The following SLC15A5 variants were observed in gnomAD, a reference collection of about 807,000 sequenced individuals.
SLC15A5 encodes Peptide/histidine transporter ENSP00000340402.
Under a neutral mutation model 56.1 loss-of-function variants are expected in SLC15A5, and 58 were observed. That is an observed-to-expected ratio of 1.03 (90% confidence interval 0.84 to 1.29). The LOEUF (loss-of-function observed/expected upper bound fraction) is 1.29. Among genes scored for constraint, SLC15A5 ranks in the 50% most tolerant of loss-of-function variants. The probability of loss-of-function intolerance (pLI) is 0.00; values close to 1 mark genes in which losing one functional copy is unlikely to be tolerated. For synonymous variants in SLC15A5, 264 were observed against 250.5 expected, an observed-to-expected ratio of 1.05 and a Z score of -0.51; for missense variants, 681 against 672.1, an observed-to-expected ratio of 1.01 and a Z score of -0.15.
At chr12:16,221,002 T>C (rs1864182533) in intron 6 of SLC15A5, among the ~76,000 whole-genome samples, 1 of 152,074 alleles carries the variant, frequency 6.6e-6, no homozygotes, top group Non-Finnish European at 1.5e-5. Context: ...TCATCTCCAA[T>C]GTATAACATG....
At chr12:16,276,912 T>C (rs1014234219) in intron 1 of SLC15A5, among the ~76,000 whole-genome samples, 1 of 152,058 alleles carries the variant, frequency 6.6e-6, no homozygotes, top group Non-Finnish European at 1.5e-5. Context: ...AAAACATTTC[T>C]CAATTATTTT....
intron 5 of SLC15A5, among the ~76,000 whole-genome samples, chr12:16,227,486 T>C (rs989394720): frequency 4.6e-5 from 7 of 152,256 alleles, no homozygotes; most frequent in Non-Finnish European, 1.0e-4. Flanking sequence ...AAGAACTTAT[T>C]GCTAGTTGGA....
chr12:16,246,817 C>T (rs932351818), intron 3 of SLC15A5, among the ~76,000 whole-genome samples: 2 of 152,030 alleles, frequency 1.3e-5, no homozygotes, highest in African/African-American at 4.8e-5. Flanking sequence ...TTGATACCTG[C>T]AATCTTATTA....
In SLC15A5 at chr12:16,237,168, G is replaced by A. The variant is rs1011219945; in HGVS notation, c.1162+2513C>T. Reference sequence around the variant, plus strand: ...TTTAATATTAGACTAATTCAGTTATGTAAATTAGTATCAAAAAGTACCCCA... The same window carrying A: ...TTTAATATTAGACTAATTCAGTTATATAAATTAGTATCAAAAAGTACCCCA... On this transcript the variant is annotated intron_variant, in intron 5 of 8. Coordinates refer to ENST00000344941, the MANE Select transcript of SLC15A5 (RefSeq NM_001170798.1). The surrounding 1 kb of genome is among the most constrained non-coding windows in gnomAD (Gnocchi z 4.1). 2.0e-5 allele frequency among the ~76,000 whole-genome samples: 3 copies of A among 152,118 alleles called. No homozygotes were observed. Among genetic ancestry groups the A allele is most frequent in the African/African-American group, 7.2e-5 (3 of 41,432 alleles).
intron 5 of SLC15A5, among the ~76,000 whole-genome samples, 153 bp downstream of exon 5, chr12:16,239,528 G>C (rs994182741): frequency 6.6e-6 from 1 of 152,266 alleles, no homozygotes; most frequent in South Asian, 2.1e-4. Context: ...TAGAGATTTC[G>C]GAAGATGGGT....
At chr12:16,244,490 G>T (rs905363574) in intron 4 of SLC15A5, 90 bp downstream of exon 4, 5 of 1,174,346 alleles carry the variant, frequency 4.3e-6, no homozygotes, top group African/African-American at 1.5e-5. Flanking sequence ...TATGGAAAGC[G>T]CTCGTTGGGG....
At position 16,216,909 on chromosome 12, in the gene SLC15A5, T is replaced by C. The variant is rs1421264304; in HGVS notation, c.1467A>G (p.Val489=). Reference sequence around the variant, plus strand: ...TATTTTTACCATCTGAGATGAGATATACCAACTTCACCAGCAGTGCCCCTG... The same window carrying C: ...TATTTTTACCATCTGAGATGAGATACACCAACTTCACCAGCAGTGCCCCTG... ...CFTGALLVKL[V]YLISDGNWFP... is the part of the protein sequence containing the mutation. Residue 489 remains valine, a synonymous_variant, in exon 7 of 9, where the codon GTA becomes GTG. Transcript: ENST00000344941. 3.9e-6 allele frequency: 6 copies of C among 1,536,468 alleles called. No homozygotes were observed. The Admixed American group carries it at 5.9e-5, about 15-fold the overall frequency.
chr12:16,268,535 T>G (rs11056850), intron 2 of SLC15A5, among the ~76,000 whole-genome samples: 9,970 of 152,324 alleles, frequency 0.065, 420 homozygotes, highest in Non-Finnish European at 0.11. Flanking sequence ...TGATTTTGTT[T>G]GCTGAAATGT....
At chr12:16,277,129 A>AACACACACAC (rs59004314) in intron 1 of SLC15A5, among the ~76,000 whole-genome samples, 196 bp downstream of exon 1, 4,745 of 150,232 alleles carry the variant, frequency 0.032, 175 homozygotes, top group East Asian at 0.15. Context: ...AACATTCTCT[A>AACACACACAC]ACACACACAC....
chr12:16,257,828 CA>C lies in SLC15A5; in HGVS notation c.626del (p.Leu209ArgfsTer27). 2.6e-6 allele frequency: 4 copies of C among 1,515,256 alleles called. No homozygotes were observed. Among genetic ancestry groups the C allele is most frequent in the Non-Finnish European group, 3.5e-6 (4 of 1,139,304 alleles). 93.9% of individuals were successfully genotyped at this position (1,515,256 alleles called of 1,614,324 possible). On this transcript the variant is annotated frameshift_variant, in exon 3 of 9. Coordinates refer to ENST00000344941, the MANE Select transcript of SLC15A5 (RefSeq NM_001170798.1). LOFTEE classifies it high-confidence loss of function. ...LMNLNATIVF[L>X]GISYIQHSQA... ...GTGAGTGCTGGATGTAAGATATTCC[CA>C]GAAACACAATAGTTGCATTTAGGTT...
intron 5 of SLC15A5, among the ~76,000 whole-genome samples, chr12:16,229,986 C>A (rs1380956007): frequency 3.3e-5 from 5 of 151,776 alleles, no homozygotes; most frequent in African/African-American, 1.2e-4. Flanking sequence ...AAGGCTTAGT[C>A]ATGTTTGTAT....
chr12:16,229,614 G>A (rs1864275019), intron 5 of SLC15A5, among the ~76,000 whole-genome samples: 1 of 148,284 alleles, frequency 6.7e-6, no homozygotes, highest in Non-Finnish European at 1.5e-5. Context: ...ACCAAGAAAA[G>A]GGCCCAGGTT....
In SLC15A5 at chr12:16,189,477, A is replaced by G. The variant is rs1863819426; in HGVS notation, c.*191T>C. On this transcript the variant is annotated 3_prime_UTR_variant, in exon 9 of 9. Coordinates refer to ENST00000344941, the MANE Select transcript of SLC15A5 (RefSeq NM_001170798.1). Reference sequence around the variant, plus strand: ...TTATTTTATTAATTCTAATGCTATAACATGTTAATGCAAAAGCATGACAGT... The same window carrying G: ...TTATTTTATTAATTCTAATGCTATAGCATGTTAATGCAAAAGCATGACAGT... 1 of 414,378 alleles carries G rather than the reference A, an allele frequency of 2.4e-6. No individual in the cohort carries two copies. The highest frequency in any genetic ancestry group is 4.4e-5 in the Admixed American group (1 of 22,958). 25.7% of individuals were successfully genotyped at this position (414,378 alleles called of 1,614,324 possible).
At chr12:16,241,393 T>C (rs930079906) in intron 4 of SLC15A5, among the ~76,000 whole-genome samples, 6 of 152,316 alleles carry the variant, frequency 3.9e-5, no homozygotes, top group Non-Finnish European at 7.4e-5. Context: ...ATCAGTATTA[T>C]GGTGTCAGTA....
chr12:16,221,157 CATTT>C (rs909798279), intron 6 of SLC15A5, among the ~76,000 whole-genome samples: 9 of 152,188 alleles, frequency 5.9e-5, no homozygotes, highest in South Asian at 2.1e-4. Context: ...AGACTTCATT[CATTT>C]GTTTCTTCAA....
intron 7 of SLC15A5, among the ~76,000 whole-genome samples, chr12:16,208,033 C>T (rs116747804): frequency 0.013 from 1,908 of 152,262 alleles, 42 homozygotes; most frequent in African/African-American, 0.043. Flanking sequence ...GCTCTTCCAA[C>T]TCCCCATTCT....
At chr12:16,203,172 C>T (rs907373043) in intron 7 of SLC15A5, among the ~76,000 whole-genome samples, 1 of 151,872 alleles carries the variant, frequency 6.6e-6, no homozygotes, top group African/African-American at 2.4e-5. Flanking sequence ...GGTGGACATG[C>T]TAATTAGACT....
chr12:16,215,230 CCAAAGT>C lies in SLC15A5; in HGVS notation c.1483+1657_1483+1662del, dbSNP rs1294551408. ...AAAAAAAAAAAAAAAAAAAAAAAAA[CCAAAGT>C]GAGGATAGTCTTGGGGAGAACTTAG... is the stretch of plus-strand genomic sequence containing the variant. On this transcript the variant is annotated intron_variant, in intron 7 of 8. Coordinates refer to ENST00000344941, the MANE Select transcript of SLC15A5 (RefSeq NM_001170798.1). Among the ~76,000 whole-genome samples, 13 of 56,996 alleles carry C rather than the reference CCAAAGT, an allele frequency of 2.3e-4. No homozygotes were observed. The Admixed American group carries it at 3.2e-3, about 14-fold the overall frequency. The allele number at this position is 56,996 out of a possible 152,430, so 37.4% of individuals were successfully genotyped here. A position where few individuals can be genotyped will look rare whatever the true frequency, so the allele number is the denominator to read the frequency against.
chr12:16,260,660 A>G (rs1864634325), intron 2 of SLC15A5, among the ~76,000 whole-genome samples: 1 of 151,894 alleles, frequency 6.6e-6, no homozygotes, highest in South Asian at 2.1e-4. Context: ...TTAAAATTTT[A>G]ATAAATTTTA....
Sources: gnomAD v4.1 joint callset for allele counts (sites outside exome capture counted in the v4.1 genomes callset) on GRCh38, gnomAD v4.1.1 for gene constraint, Gnocchi (gnomAD v3.1) non-coding constraint, MANE v1.5 for transcripts, NCBI Gene and HGNC (gene_info 2026-07-23, HGNC 2026-07-21) for gene names.